FBXO32: variants seen among roughly 807,000 people sequenced by gnomAD.
The protein encoded by FBXO32 is F-box only protein 32.
In FBXO32, 15 loss-of-function variants were observed where a neutral mutation model predicts 48.3. That is an observed-to-expected ratio of 0.31 (90% CI 0.21 to 0.48). The LOEUF (loss-of-function observed/expected upper bound fraction) is 0.48, where lower values mean the gene tolerates loss of function less well. Ranked by LOEUF, FBXO32 falls within the 20% of genes least tolerant of loss-of-function variation. The probability of loss-of-function intolerance (pLI) is 0.99; values close to 1 mark genes in which losing one functional copy is unlikely to be tolerated. For missense variants in FBXO32, 309 were observed against 432.7 expected (o/e 0.71, Z 2.54); for synonymous variants, 154 against 165.9 (o/e 0.93, Z 0.55).
chr8:123,513,666 C>T lies in FBXO32; in HGVS notation c.467-284G>A, dbSNP rs932653331. 1.3e-5 allele frequency among the ~76,000 whole-genome samples: 2 copies of T among 152,136 alleles called. No homozygotes were observed. Among genetic ancestry groups the T allele is most frequent in the Non-Finnish European group, 2.9e-5 (2 of 68,026 alleles). On this transcript the variant is annotated intron_variant, in intron 5 of 8. Transcript: ENST00000517956. This position sits in a 1 kb window ranked among gnomAD's most constrained non-coding sequence, Gnocchi z 4.3. ...TGTTCTCCCAGCAGCCATGGTTCAC[C>T]TGATCAGAAAGCCACTCCTTTTGCC...
At position 123,513,183 on chromosome 8, in the gene FBXO32, G is replaced by T; in HGVS notation, c.651+15C>A. 1 of 1,613,840 alleles carries T rather than the reference G, an allele frequency of 6.2e-7. No individual in the cohort carries two copies. The highest frequency in any genetic ancestry group is 1.1e-5 in the South Asian group (1 of 91,052). On this transcript the variant is annotated intron_variant, in intron 6 of 8. Transcript: ENST00000517956. The surrounding 1 kb of genome is among the most constrained non-coding windows in gnomAD (Gnocchi z 4.3). The stretch of plus-strand genomic sequence containing the variant: ...GGGACCCACTGCCGGGAGGAGGCTG[G>T]GCCTGCCCGCTTACCCTGGTGATCT...
chr8:123,505,115 TA>T (rs1360872021), intron 7 of FBXO32, among the ~76,000 whole-genome samples: 5 of 152,172 alleles, frequency 3.3e-5, no homozygotes, highest in Admixed American at 1.3e-4. Flanking sequence ...GGAGATGCAA[TA>T]ACTGCTTGGC....
At chr8:123,532,273 T>C in intron 3 of FBXO32, 2 of 929,604 alleles carry the variant, frequency 2.2e-6, no homozygotes, top group Non-Finnish European at 2.8e-6. Context: ...TTCCACATAT[T>C]AGTCTGGAAA....
chr8:123,504,876 GA>G, intron 7 of FBXO32, 129 bp from the exon 8 acceptor site: 3 of 795,238 alleles, frequency 3.8e-6, no homozygotes, highest in Non-Finnish European at 5.9e-6. Flanking sequence ...AGCCAGGAAG[GA>G]AAACTGTCAC....
Position 123,532,167 on chromosome 8 carries a change from A to T in FBXO32, c.280-177T>A. On this transcript the variant is annotated intron_variant, in intron 3 of 8. Transcript: ENST00000517956. ...CCACAAGCCCTTGAGAGCCACCAAG[A>T]TGGGTAACACAGCCAGCAGCTGCCT... is the stretch of plus-strand genomic sequence containing the variant. The T allele has an allele frequency of 2.2e-6, 3 of 1,384,502 alleles. No homozygotes were observed. The South Asian group carries it at 5.0e-5, about 23-fold the overall frequency. 85.8% of individuals were successfully genotyped at this position (1,384,502 alleles called of 1,614,324 possible). A position where few individuals can be genotyped will look rare whatever the true frequency, so the allele number is the denominator to read the frequency against.
rs778955483 is a variant in FBXO32 at position 123,531,939 on chromosome 8, T to C, written c.331A>G (p.Thr111Ala). The change falls in exon 4 of 9, where the codon ACT becomes GCT. Residue 111 changes from threonine (T) to alanine (A), a missense_variant. Transcript: ENST00000517956. ...AATCTTCTGGAATCCAGAATGGCAG[T>C]TGAGAAGTCCAGTCTGTTGAAAGCT... The part of the protein sequence containing the change: ...GEAFNRLDFS[T>A]AILDSRRFNY... 6.2e-7 allele frequency: 1 copy of C among 1,614,126 alleles called. No individual in the cohort carries two copies. Among genetic ancestry groups the C allele is most frequent in the South Asian group, 1.1e-5 (1 of 91,068 alleles).
chr8:123,524,438 T>G (rs891781524), intron 4 of FBXO32, among the ~76,000 whole-genome samples: 1 of 152,218 alleles, frequency 6.6e-6, no homozygotes, highest in Non-Finnish European at 1.5e-5. Context: ...ACCCTCAAAG[T>G]TAATGACCCC....
chr8:123,514,327 C>G lies in FBXO32; in HGVS notation c.379G>C (p.Glu127Gln). 1 of 1,610,724 alleles carries G rather than the reference C, an allele frequency of 6.2e-7. No homozygotes were observed. The highest frequency in any genetic ancestry group is 8.5e-7 in the Non-Finnish European group (1 of 1,178,512). The change falls in exon 5 of 9, where the codon GAG becomes CAG. Residue 127 changes from glutamate to glutamine, a missense_variant. Physicochemically the swap from Glu to Gln is conservative, Grantham distance 29 (BLOSUM62 2). Transcript: ENST00000517956. ...GTGAGCTGTGACTTTGCTATCAGCTCCAACAGCTGAGGATAAAAATAGAAG... is the reference window on the plus strand; with the variant it reads ...GTGAGCTGTGACTTTGCTATCAGCTGCAACAGCTGAGGATAAAAATAGAAG... ...RRFNYVVRLL[E>Q]LIAKSQLTSL...
chr8:123,503,551 C>A, intron 8 of FBXO32, 89 bp from the exon 9 acceptor site: 1 of 932,462 alleles, frequency 1.1e-6, no homozygotes, highest in Non-Finnish European at 1.7e-6. Context: ...TTCAAAGCAA[C>A]AATTCTCTGT....
At chr8:123,510,585 C>T (rs1401232347) in intron 6 of FBXO32, among the ~76,000 whole-genome samples, 1 of 152,176 alleles carries the variant, frequency 6.6e-6, no homozygotes, top group East Asian at 1.9e-4. Context: ...TGCACTCCAG[C>T]CTGGGTGACA....
intron 8 of FBXO32, among the ~76,000 whole-genome samples, chr8:123,504,007 G>A (rs1816557645): frequency 1.3e-5 from 2 of 151,616 alleles, no homozygotes; most frequent in South Asian, 4.2e-4. Flanking sequence ...TTGAACCTGG[G>A]AGGTGGAGGT....
At chr8:123,537,561 G>A (rs1817331803) in intron 1 of FBXO32, among the ~76,000 whole-genome samples, 1 of 152,000 alleles carries the variant, frequency 6.6e-6, no homozygotes, top group Non-Finnish European at 1.5e-5. Flanking sequence ...ATTTAAGAAA[G>A]CTGTGACGTG....
intron 4 of FBXO32, among the ~76,000 whole-genome samples, chr8:123,517,641 G>A (rs1816867046): frequency 6.8e-6 from 1 of 146,698 alleles, no homozygotes; most frequent in African/African-American, 2.6e-5. Context: ...TAGGTGACAG[G>A]GACATGATGA....
chr8:123,521,709 G>A lies in FBXO32; in HGVS notation c.373-7376C>T, dbSNP rs990106270. ...AATTTATCCCCAAATTCCTTATCTCGTATAACAGTGGGGTGTTACAGTATG... is the reference window on the plus strand; with the variant it reads ...AATTTATCCCCAAATTCCTTATCTCATATAACAGTGGGGTGTTACAGTATG... On this transcript the variant is annotated intron_variant, in intron 4 of 8. Coordinates refer to ENST00000517956, the MANE Select transcript of FBXO32 (RefSeq NM_058229.4). Among the ~76,000 whole-genome samples the A allele has an allele frequency of 3.3e-5, 5 of 151,886 alleles. No individual in the cohort carries two copies. The South Asian group carries it at 6.3e-4, about 19-fold the overall frequency.
rs879328011 is a variant in FBXO32 at position 123,526,219 on chromosome 8, C to CT, written c.372+5678dup. 9.2e-3 allele frequency among the ~76,000 whole-genome samples: 1,334 copies of CT among 144,606 alleles called. 20 individuals are homozygous for CT. Among genetic ancestry groups the CT allele is most frequent in the African/African-American group, 0.03 (1,178 of 39,678 alleles). The allele number at this position is 144,606 out of a possible 152,430, so 94.9% of individuals were successfully genotyped here. ...GCTTGTGGCAACACCCTTCGATGAT[C>CT]TTTTTTTTTTTTTGAGACAGAGTTT... On this transcript the variant is annotated intron_variant, in intron 4 of 8. Transcript: ENST00000517956.
intron 4 of FBXO32, among the ~76,000 whole-genome samples, chr8:123,524,789 A>G (rs562435215): frequency 6.6e-6 from 1 of 152,306 alleles, no homozygotes; most frequent in South Asian, 2.1e-4. Flanking sequence ...GAGTGCTCGG[A>G]TTACAGGTGT....
rs930585476 is a variant in FBXO32 at position 123,500,138 on chromosome 8, G to A, written c.*3235C>T. The A allele has an allele frequency of 6.6e-6, 1 of 152,014 alleles. No homozygotes were observed. Among genetic ancestry groups the A allele is most frequent in the Non-Finnish European group, 1.5e-5 (1 of 67,994 alleles). 9.4% of individuals were successfully genotyped at this position (152,014 alleles called of 1,614,324 possible). A position where few individuals can be genotyped will look rare whatever the true frequency, so the allele number is the denominator to read the frequency against. ...TGCAATCTAGTTTAAAATGCCATTGGATTTTTTTTTTTCTGGATCTTGCTC... is the reference window on the plus strand; with the variant it reads ...TGCAATCTAGTTTAAAATGCCATTGAATTTTTTTTTTTCTGGATCTTGCTC... On this transcript the variant is annotated 3_prime_UTR_variant, in exon 9 of 9. Transcript: ENST00000517956.
intron 6 of FBXO32, among the ~76,000 whole-genome samples, chr8:123,511,040 T>C (rs1816724739): frequency 6.6e-6 from 1 of 152,174 alleles, no homozygotes; most frequent in Non-Finnish European, 1.5e-5. Context: ...AGATAGTGAG[T>C]GAACTTCAGT....
At chr8:123,516,007 A>G (rs146931505) in intron 4 of FBXO32, among the ~76,000 whole-genome samples, 79 of 152,328 alleles carry the variant, frequency 5.2e-4, no homozygotes, top group African/African-American at 1.7e-3. Context: ...ATAAAAAATA[A>G]AAAACAAAGA....
Sources: gnomAD v4.1 joint callset for allele counts (sites outside exome capture counted in the v4.1 genomes callset) on GRCh38, gnomAD v4.1.1 for gene constraint, Gnocchi (gnomAD v3.1) non-coding constraint, MANE v1.5 for transcripts, NCBI Gene and HGNC (gene_info 2026-07-23, HGNC 2026-07-21) for gene names.